The following FHIP1A variants were observed in gnomAD, a reference collection of about 807,000 sequenced individuals.
The protein encoded by FHIP1A is FHF complex subunit HOOK interacting protein 1A.
In FHIP1A, 61 loss-of-function variants were observed where a neutral mutation model predicts 88.6. That is an observed-to-expected ratio of 0.69 (90% confidence interval 0.56 to 0.85). The LOEUF is 0.85. FHIP1A is among the 40% of genes least tolerant of loss of function. The probability of loss-of-function intolerance (pLI) is 0.00; values close to 1 mark genes in which losing one functional copy is unlikely to be tolerated. For missense variants in FHIP1A, 1,154 were observed against 1,273.5 expected (o/e 0.91, Z 1.43); for synonymous variants, 478 against 496.0 (o/e 0.96, Z 0.48).
chr4:151,654,862 A>G (rs1429323672), intron 11 of FHIP1A, among the ~76,000 whole-genome samples: 1 of 152,172 alleles, frequency 6.6e-6, no homozygotes, highest in Non-Finnish European at 1.5e-5. Context: ...CTCCCGTCCC[A>G]AGGATGGGGA....
At chr4:151,526,431 G>A (rs559705500) in intron 3 of FHIP1A, among the ~76,000 whole-genome samples, 1,618 of 147,514 alleles carry the variant, frequency 0.011, 27 homozygotes, top group African/African-American at 0.04. Context: ...CTGGCCGGGC[G>A]GGGGGCTGAC....
intron 3 of FHIP1A, among the ~76,000 whole-genome samples, chr4:151,547,254 G>T (rs1732541576): frequency 6.7e-6 from 1 of 150,124 alleles, no homozygotes; most frequent in South Asian, 2.1e-4. Context: ...AAGAAGGTAT[G>T]TCTGAAACAG....
chr4:151,410,311 G>C (rs915259060), intron 1 of FHIP1A, among the ~76,000 whole-genome samples: 2 of 152,236 alleles, frequency 1.3e-5, no homozygotes, highest in Non-Finnish European at 2.9e-5. Context: ...TGAAGGGAAA[G>C]AGCCAAATGT....
chr4:151,520,022 C>T (rs1731396559), intron 3 of FHIP1A, among the ~76,000 whole-genome samples: 1 of 151,956 alleles, frequency 6.6e-6, no homozygotes, highest in Admixed American at 6.5e-5. Context: ...GATCTTTATT[C>T]CCATTTTGTG....
At chr4:151,612,793 C>G (rs371238569) in intron 7 of FHIP1A, among the ~76,000 whole-genome samples, 4 of 152,088 alleles carry the variant, frequency 2.6e-5, no homozygotes, top group Non-Finnish European at 4.4e-5. Context: ...TTTTGGGTGG[C>G]CTTACTTTAA....
chr4:151,465,892 C>T (rs1283822028), intron 2 of FHIP1A, among the ~76,000 whole-genome samples: 1 of 152,126 alleles, frequency 6.6e-6, no homozygotes, highest in African/African-American at 2.4e-5. Context: ...TAAGAGCTAT[C>T]TATGACAAAC....
At chr4:151,440,169 AACTC>A (rs1394551905) in intron 1 of FHIP1A, among the ~76,000 whole-genome samples, 1 of 152,140 alleles carries the variant, frequency 6.6e-6, no homozygotes, top group African/African-American at 2.4e-5. Flanking sequence ...ATCTTGTGAG[AACTC>A]ACTCACTATC....
At chr4:151,445,319 A>G (rs1286319835) in intron 1 of FHIP1A, among the ~76,000 whole-genome samples, 1 of 152,132 alleles carries the variant, frequency 6.6e-6, no homozygotes, top group African/African-American at 2.4e-5. Flanking sequence ...CAGCATATGA[A>G]CATGTTCTTG....
chr4:151,447,231 G>GT lies in FHIP1A; in HGVS notation c.-355-7467dup, dbSNP rs34404412. ...AAGTGTGAAAATGAACTCTGAAATAGTTTGTCTGTTTTTGAATGCAGAGAG... is the reference window on the plus strand; with the variant it reads ...AAGTGTGAAAATGAACTCTGAAATAGTTTTGTCTGTTTTTGAATGCAGAGAG... On this transcript the variant is annotated intron_variant, in intron 1 of 13. Coordinates refer to ENST00000435205, the MANE Select transcript of FHIP1A (RefSeq NM_001109977.3). Among the ~76,000 whole-genome samples the GT allele has an allele frequency of 8.9e-3, 1,349 of 152,284 alleles. 23 individuals are homozygous for GT. The highest frequency in any genetic ancestry group is 0.03 in the African/African-American group (1,228 of 41,566).
At chr4:151,436,558 G>A (rs1728206236) in intron 1 of FHIP1A, 2 of 152,132 alleles carry the variant, frequency 1.3e-5, no homozygotes, top group Non-Finnish European at 2.9e-5. Context: ...GTTGCTTGAA[G>A]ACCAGGATTC....
chr4:151,640,743 G>C (rs1038530903), intron 9 of FHIP1A, among the ~76,000 whole-genome samples: 1 of 152,216 alleles, frequency 6.6e-6, no homozygotes. Flanking sequence ...GGGTCACCAA[G>C]TCAGATTTAG....
chr4:151,601,306 A>T (rs527262501), intron 7 of FHIP1A, among the ~76,000 whole-genome samples: 1 of 152,238 alleles, frequency 6.6e-6, no homozygotes, highest in African/African-American at 2.4e-5. Context: ...GGCATAGGGC[A>T]AGGTGGAAAA....
chr4:151,559,848 G>A (rs909297382), intron 3 of FHIP1A, among the ~76,000 whole-genome samples: 8 of 152,066 alleles, frequency 5.3e-5, no homozygotes, highest in African/African-American at 1.9e-4. Context: ...CATGAGATGA[G>A]TTCTTTTTAC....
At chr4:151,632,209 T>A (rs1431651919) in intron 8 of FHIP1A, among the ~76,000 whole-genome samples, 1 of 151,806 alleles carries the variant, frequency 6.6e-6, no homozygotes. Context: ...AGATAAGGAA[T>A]GACATTAATG....
intron 3 of FHIP1A, among the ~76,000 whole-genome samples, chr4:151,497,890 C>T (rs1488417960): frequency 2.0e-5 from 3 of 152,162 alleles, no homozygotes; most frequent in African/African-American, 7.2e-5. Context: ...GGTGAGAATC[C>T]TCCAACTGTT....
intron 8 of FHIP1A, 99 bp from the exon 9 acceptor site, chr4:151,638,578 A>AC: frequency 6.3e-6 from 4 of 631,954 alleles, no homozygotes; most frequent in Non-Finnish European, 1.0e-5. Context: ...AAAAAAAAAA[A>AC]GGCCATTATA....
intron 1 of FHIP1A, among the ~76,000 whole-genome samples, chr4:151,421,935 A>AG (rs1733185097): frequency 6.6e-6 from 1 of 152,096 alleles, no homozygotes; most frequent in Non-Finnish European, 1.5e-5. Context: ...GGTACTCTTT[A>AG]GGGCTTGCCT....
intron 2 of FHIP1A, among the ~76,000 whole-genome samples, chr4:151,456,090 C>T (rs956857876): frequency 6.6e-5 from 10 of 151,980 alleles, no homozygotes; most frequent in African/African-American, 2.4e-4. Context: ...GCTGTTAAGG[C>T]ACCAAAAAAA....
chr4:151,499,184 G>A (rs969155405), intron 3 of FHIP1A, among the ~76,000 whole-genome samples: 1 of 152,172 alleles, frequency 6.6e-6, no homozygotes, highest in Non-Finnish European at 1.5e-5. Flanking sequence ...AGAGACAATG[G>A]AAGAATTTCA....
Sources: allele counts gnomAD v4.1 joint callset (sites outside exome capture counted in the v4.1 genomes callset), GRCh38; gene constraint gnomAD v4.1.1; transcripts MANE v1.5; gene names NCBI Gene and HGNC (gene_info 2026-07-23, HGNC 2026-07-21).